The following TUBGCP3 variants were observed in gnomAD, a reference collection of about 807,000 sequenced individuals.
The protein encoded by TUBGCP3 is tubulin gamma complex component 3, also known as gamma-tubulin complex component 3.
In TUBGCP3, 50 loss-of-function variants were observed where a neutral mutation model predicts 123.1. The ratio of observed to expected loss-of-function variants is 0.41; its 90% CI spans 0.32 to 0.51. The LOEUF (loss-of-function observed/expected upper bound fraction) is 0.51, where lower values mean the gene tolerates loss of function less well. Among genes scored for constraint, TUBGCP3 ranks in the 20% least tolerant of loss-of-function variants. The pLI is 0.36. For missense variants in TUBGCP3, 882 were observed against 1,127.0 expected (o/e 0.78, Z 3.11); for synonymous variants, 405 against 413.9 (o/e 0.98, Z 0.26).
At chr13:112,513,565 C>G (rs1358643866) in intron 17 of TUBGCP3, among the ~76,000 whole-genome samples, 1 of 152,234 alleles carries the variant, frequency 6.6e-6, no homozygotes, top group African/African-American at 2.4e-5. Flanking sequence ...CACGCCCATA[C>G]AAGGCCCCGT....
upstream of TUBGCP3, chr13:112,588,225 C>T (rs528786054): frequency 2.4e-5 from 9 of 371,806 alleles, no homozygotes; most frequent in Non-Finnish European, 2.9e-5. Flanking sequence ...GCGTTCCCGG[C>T]CCTGTCTGGT....
intron 13 of TUBGCP3, 94 bp downstream of exon 13, chr13:112,526,845 GTCA>G: frequency 2.3e-6 from 2 of 870,848 alleles, no homozygotes; most frequent in South Asian, 3.0e-5. Flanking sequence ...CAATCACTAC[GTCA>G]TCAACATCAC....
chr13:112,576,966 G>C (rs1408220198), intron 1 of TUBGCP3, among the ~76,000 whole-genome samples: 2 of 144,812 alleles, frequency 1.4e-5, no homozygotes, highest in East Asian at 4.0e-4. Flanking sequence ...TGGTGGGGTG[G>C]AGGGAAAAAA....
chr13:112,544,809 T>C (rs1055209355), intron 11 of TUBGCP3: 3 of 152,332 alleles, frequency 2.0e-5, no homozygotes, highest in Non-Finnish European at 2.9e-5. Flanking sequence ...GACTCCATTC[T>C]GCCCAAACGC....
chr13:112,516,322 T>A (rs1274044160), intron 17 of TUBGCP3, 118 bp downstream of exon 17: 1 of 1,117,238 alleles, frequency 9.0e-7, no homozygotes. Flanking sequence ...CTGAAAAAAA[T>A]ATATAGCTGT....
intron 11 of TUBGCP3, among the ~76,000 whole-genome samples, chr13:112,538,521 A>G (rs150973849): frequency 2.9e-3 from 442 of 152,166 alleles, no homozygotes; most frequent in Middle Eastern, 0.01. Flanking sequence ...GTCTCAATTG[A>G]CCTAAACTCA....
At chr13:112,591,148 A>G (rs1419727259), upstream of TUBGCP3, among the ~76,000 whole-genome samples, 1 of 152,252 alleles carries the variant, frequency 6.6e-6, no homozygotes, top group Non-Finnish European at 1.5e-5. Flanking sequence ...TCCACCAAGG[A>G]GGAAGGAACC....
chr13:112,576,277 A>ACCTATAGACCTT (rs1881801723), intron 1 of TUBGCP3, among the ~76,000 whole-genome samples: 4 of 152,126 alleles, frequency 2.6e-5, no homozygotes, highest in African/African-American at 4.8e-5. Flanking sequence ...GGTCCTAGAA[A>ACCTATAGACCTT]TCTCTCGGGG....
intron 1 of TUBGCP3, among the ~76,000 whole-genome samples, chr13:112,572,456 C>G (rs1594219674): frequency 6.7e-6 from 1 of 149,770 alleles, no homozygotes; most frequent in African/African-American, 2.4e-5. Flanking sequence ...GTGTGTTGTT[C>G]CCCTCTCTGT....
Position 112,519,961 on chromosome 13 carries a change from T to C in TUBGCP3, c.1806A>G (p.Glu602=). Residue 602 remains glutamate, a synonymous_variant, in exon 15 of 22, where the codon GAA becomes GAG. Coordinates refer to ENST00000261965, the MANE Select transcript of TUBGCP3 (RefSeq NM_006322.6). This position sits in a 1 kb window ranked among gnomAD's most constrained non-coding sequence, Gnocchi z 6.2. ...GTGCGTTGGTGGCTCTGACAGCGGT[T>C]TCTAGAATTCCAGTCAAGTTATGCT... ...LYQHNLTGIL[E]TAVRATNAQF... 2.5e-6 allele frequency: 4 copies of C among 1,614,010 alleles called. No individual in the cohort carries two copies. The highest frequency in any genetic ancestry group is 3.4e-6 in the Non-Finnish European group (4 of 1,179,880).
chr13:112,577,803 T>C (rs1370878412), intron 1 of TUBGCP3, among the ~76,000 whole-genome samples: 1 of 152,188 alleles, frequency 6.6e-6, no homozygotes, highest in Non-Finnish European at 1.5e-5. Flanking sequence ...CAAATTCTGA[T>C]TTTATCAGTC....
Position 112,587,946 on chromosome 13 carries a change from A to G in TUBGCP3, c.35T>C (p.Leu12Pro). The G allele has an allele frequency of 6.3e-7, 1 of 1,593,458 alleles. No individual in the cohort carries two copies. The change falls in exon 1 of 22, where the codon CTG becomes CCG. Residue 12 changes from leucine to proline, a missense_variant. Coordinates refer to ENST00000261965, the MANE Select transcript of TUBGCP3 (RefSeq NM_006322.6). ...ATPDQKSPNV[L>P]LQNLCCRILG... The stretch of plus-strand genomic sequence containing the variant: ...GATCCTGCAGCACAGGTTCTGCAGC[A>G]GAACGTTCGGCGACTTCTGGTCCGG...
At chr13:112,525,531 T>G (rs776736237) in intron 13 of TUBGCP3, among the ~76,000 whole-genome samples, 4 of 152,214 alleles carry the variant, frequency 2.6e-5, no homozygotes, top group Non-Finnish European at 5.9e-5. Context: ...GCAAAGTAAA[T>G]CTTTTGAATG....
At chr13:112,562,628 G>A (rs1880605896) in intron 3 of TUBGCP3, among the ~76,000 whole-genome samples, 1 of 152,160 alleles carries the variant, frequency 6.6e-6, no homozygotes, top group Non-Finnish European at 1.5e-5. Context: ...GAGTGGGCAG[G>A]AGTGGGTAGA....
At chr13:112,568,397 A>AT (rs1450529943) in intron 2 of TUBGCP3, among the ~76,000 whole-genome samples, 1 of 151,146 alleles carries the variant, frequency 6.6e-6, no homozygotes, top group Non-Finnish European at 1.5e-5. Flanking sequence ...CCAAGGCCAA[A>AT]TGGGCTTCTA....
intron 1 of TUBGCP3, among the ~76,000 whole-genome samples, chr13:112,574,846 C>T (rs1408344904): frequency 6.6e-6 from 1 of 152,248 alleles, no homozygotes; most frequent in Non-Finnish European, 1.5e-5. Context: ...ACTGCACCAG[C>T]TGGGGCTGGG....
At chr13:112,513,432 C>T (rs1881806059) in intron 17 of TUBGCP3, among the ~76,000 whole-genome samples, 1 of 152,224 alleles carries the variant, frequency 6.6e-6, no homozygotes, top group African/African-American at 2.4e-5. Context: ...CCCAGCAAAG[C>T]ACTTTCACAT....
chr13:112,569,313 C>A, intron 1 of TUBGCP3, 54 bp from the exon 2 acceptor site: 1 of 1,549,480 alleles, frequency 6.5e-7, no homozygotes, highest in East Asian at 2.2e-5. Flanking sequence ...ACGTTCTGGT[C>A]ACCTGAAGCT....
At position 112,519,328 on chromosome 13, in the gene TUBGCP3, C is replaced by T. The variant is rs1166332137; in HGVS notation, c.1882-285G>A. 6.6e-6 allele frequency among the ~76,000 whole-genome samples: 1 copy of T among 152,214 alleles called. No homozygotes were observed. The highest frequency in any genetic ancestry group is 1.5e-5 in the Non-Finnish European group (1 of 68,046). On this transcript the variant is annotated intron_variant, in intron 15 of 21. Coordinates refer to ENST00000261965, the MANE Select transcript of TUBGCP3 (RefSeq NM_006322.6). This position sits in a 1 kb window ranked among gnomAD's most constrained non-coding sequence, Gnocchi z 6.2. ...TGCTTACGACGAAAACCCACTGCCT[C>T]TAAATATGTTCCAAATCTTTTTATT... is the stretch of plus-strand genomic sequence containing the variant.
Sources: gnomAD v4.1 joint callset for allele counts (sites outside exome capture counted in the v4.1 genomes callset) on GRCh38, gnomAD v4.1.1 for gene constraint, Gnocchi (gnomAD v3.1) non-coding constraint, MANE v1.5 for transcripts, NCBI Gene and HGNC (gene_info 2026-07-23, HGNC 2026-07-21) for gene names.